Variants in CACNA1H observed in about 807,000 individuals in gnomAD.
CACNA1H encodes the protein voltage-dependent T-type calcium channel subunit alpha-1H.
Under a neutral mutation model 192.5 loss-of-function variants are expected in CACNA1H, and 149 were observed. The ratio of observed to expected loss-of-function variants is 0.77; its 90% CI spans 0.68 to 0.89. The LOEUF is 0.89. Ranked by LOEUF, CACNA1H falls within the 40% of genes least tolerant of loss-of-function variation. The probability of loss-of-function intolerance (pLI) is 0.00; values close to 1 mark genes in which losing one functional copy is unlikely to be tolerated. For missense variants in CACNA1H, 4,257 were observed against 3,423.5 expected, an observed-to-expected ratio of 1.24 and a Z score of -6.08; for synonymous variants, 2,202 against 1,475.2, an observed-to-expected ratio of 1.49 and a Z score of -11.29.
rs200606995 is a variant in CACNA1H, at chr16:1,220,653, G to C, written c.6721G>C (p.Gly2241Arg). The C allele has an allele frequency of 5.6e-6, 9 of 1,599,882 alleles. No homozygotes were observed. Among genetic ancestry groups the C allele is most frequent in the Middle Eastern group, 1.7e-4 (1 of 5,856 alleles). Residue 2241 changes from glycine to arginine, a missense_variant, in exon 35 of 35, where the codon GGG becomes CGG. Physicochemically the swap from Gly to Arg is moderately radical, Grantham distance 125. Coordinates refer to ENST00000348261, the MANE Select transcript of CACNA1H (RefSeq NM_021098.3). ...GGAGCCCACAGAGGGCTCAGGCGCCGGGGGGGACCCTGCAGCCAAGGGGGA... is the reference window on the plus strand; with the variant it reads ...GGAGCCCACAGAGGGCTCAGGCGCCCGGGGGGACCCTGCAGCCAAGGGGGA... ...SLEPTEGSGA[G>R]GDPAAKGERW... is the part of the protein sequence containing the mutation.
intron 9 of CACNA1H, among the ~76,000 whole-genome samples, chr16:1,203,250 G>A (rs1261128030): frequency 2.0e-5 from 3 of 152,208 alleles, no homozygotes; most frequent in Non-Finnish European, 4.4e-5. Context: ...TCCAAAGACA[G>A]CACGAAAACA....
chr16:1,185,314 T>G (rs1075789), intron 2 of CACNA1H, among the ~76,000 whole-genome samples: 2 of 151,932 alleles, frequency 1.3e-5, no homozygotes, highest in Non-Finnish European at 2.9e-5. Flanking sequence ...TGTGGACACG[T>G]GTGGGCCCGT....
At chr16:1,215,682 G>C in intron 30 of CACNA1H, 89 bp downstream of exon 30, 1 of 1,016,872 alleles carries the variant, frequency 9.8e-7, no homozygotes. Flanking sequence ...CCCCTCACTC[G>C]TTTCTCTGGT....
At chr16:1,210,326 C>A in intron 18 of CACNA1H, 44 bp from the exon 19 acceptor site, 2 of 1,458,786 alleles carry the variant, frequency 1.4e-6, no homozygotes, top group Non-Finnish European at 1.9e-6. Context: ...ACTCTGCCAT[C>A]CACGCCGCCC....
Position 1,209,391 on chromosome 16 carries a change from G to T in CACNA1H, c.3723G>T (p.Glu1241Asp), listed in dbSNP as rs547739256. Residue 1241 changes from glutamate (E) to aspartate (D), a missense_variant, in exon 17 of 35, where the codon GAG becomes GAT. By Grantham distance (45) the Glu-to-Asp change is conservative (BLOSUM62 2). Coordinates refer to ENST00000348261, the MANE Select transcript of CACNA1H (RefSeq NM_021098.3). ...ACAGCCACCGTGAGGATGCAGCCGA[G>T]CTTGACGACGACTCGGAGGACGTGA... ...RIDSHREDAA[E>D]LDDDSEDSCC... 15 of 1,597,770 alleles carry T rather than the reference G, an allele frequency of 9.4e-6. No individual in the cohort carries two copies.
intron 2 of CACNA1H, among the ~76,000 whole-genome samples, chr16:1,166,845 T>A (rs147507280): frequency 1.4e-4 from 21 of 152,278 alleles, no homozygotes; most frequent in Non-Finnish European, 2.9e-4. Context: ...GTCTGGGCCG[T>A]TTCACCCTTT....
chr16:1,211,564 C>A lies in CACNA1H; in HGVS notation c.4434C>A (p.Tyr1478Ter). 1 of 1,611,604 alleles carries A rather than the reference C, an allele frequency of 6.2e-7. No homozygotes were observed. The highest frequency in any genetic ancestry group is 8.5e-7 in the Non-Finnish European group (1 of 1,179,378). The change falls in exon 23 of 35, where the codon TAC becomes TAA. Residue 1478 changes from tyrosine to a stop codon, truncating the protein, a stop_gained. Transcript: ENST00000348261. LOFTEE classifies it high-confidence loss of function. ...AGGCACAGTGCCGGGCCGCCCACTA[C>A]CGCTGGGTGCGACGCAAGTACAACT... ...STKAQCRAAH[Y>*]RWVRRKYNFD...
At chr16:1,212,682 G>A (rs1293375829) in intron 26 of CACNA1H, among the ~76,000 whole-genome samples, 154 bp downstream of exon 26, 4 of 152,288 alleles carry the variant, frequency 2.6e-5, no homozygotes, top group Non-Finnish European at 2.9e-5. Flanking sequence ...GCGCTCGCCC[G>A]CCAGTGTCCG....
At chr16:1,157,098 C>G (rs1303252795) in intron 2 of CACNA1H, 1 of 152,214 alleles carries the variant, frequency 6.6e-6, no homozygotes, top group African/African-American at 2.4e-5. Flanking sequence ...TCCGCGTTCG[C>G]CTGCGACACA....
At position 1,209,244 on chromosome 16, in the gene CACNA1H, A is replaced by G; in HGVS notation, c.3576A>G (p.Pro1192=). The G allele has an allele frequency of 6.5e-6, 10 of 1,545,740 alleles. No individual in the cohort carries two copies. The highest frequency in any genetic ancestry group is 2.5e-5 in the East Asian group (1 of 40,760). ...GRAAPGPRAT[P]LRRAESLDPR... ...CCGCGCCCGGGCCCCGTGCCACCCC[A>G]CTGCGGCGGGCCGAGTCCCTGGACC... Residue 1192 remains proline, a synonymous_variant, in exon 17 of 35, where the codon CCA becomes CCG. Coordinates refer to ENST00000348261, the MANE Select transcript of CACNA1H (RefSeq NM_021098.3).
In CACNA1H at chr16:1,208,093, T is replaced by C; in HGVS notation, c.3235T>C (p.Cys1079Arg). Residue 1079 changes from cysteine (C) to arginine (R), a missense_variant, in exon 16 of 35, where the codon TGC becomes CGC. Cys to Arg is a radical substitution (Grantham distance 180, BLOSUM62 -3). Transcript: ENST00000348261. Reference sequence around the variant, plus strand: ...CAGCCTGTCCCCTCCCCTCATCATGTGCACAGCTGCCACGCCCATGCCTAC... The same window carrying C: ...CAGCCTGTCCCCTCCCCTCATCATGCGCACAGCTGCCACGCCCATGCCTAC... ...RGSLSPPLIM[C>R]TAATPMPTPK... The C allele has an allele frequency of 1.3e-6, 2 of 1,598,386 alleles. No homozygotes were observed. Among genetic ancestry groups the C allele is most frequent in the Non-Finnish European group, 1.7e-6 (2 of 1,173,786 alleles).
intron 2 of CACNA1H, among the ~76,000 whole-genome samples, chr16:1,158,745 G>A (rs1419820934): frequency 1.3e-5 from 2 of 152,174 alleles, no homozygotes; most frequent in African/African-American, 4.8e-5. Context: ...GGTGCTCTTG[G>A]GAACGAGTTT....
At chr16:1,205,633 G>A (rs1014475672) in intron 11 of CACNA1H, among the ~76,000 whole-genome samples, 3 of 152,224 alleles carry the variant, frequency 2.0e-5, no homozygotes, top group African/African-American at 4.8e-5. Context: ...GCTGCTGGAG[G>A]AGCATTTGCT....
rs1596452954 is a variant in CACNA1H at position 1,209,972 on chromosome 16, G to T, written c.3745-63G>T. On this transcript the variant is annotated intron_variant, in intron 17 of 34. Transcript: ENST00000348261. ...AGGGGTGGCCGAGCTGAGCACAGAGGGCCCTGATGGGGGGCCGGGCAGGCA... is the reference window on the plus strand; with the variant it reads ...AGGGGTGGCCGAGCTGAGCACAGAGTGCCCTGATGGGGGGCCGGGCAGGCA... The T allele has an allele frequency of 1.5e-5, 19 of 1,234,530 alleles. No homozygotes were observed. The East Asian group carries it at 3.8e-4, about 25-fold the overall frequency. 76.5% of individuals were successfully genotyped at this position (1,234,530 alleles called of 1,614,324 possible). A position where few individuals can be genotyped will look rare whatever the true frequency, so the allele number is the denominator to read the frequency against.
intron 2 of CACNA1H, among the ~76,000 whole-genome samples, chr16:1,162,639 T>TGC (rs1555500489): frequency 1.1e-5 from 1 of 93,154 alleles, no homozygotes; most frequent in Non-Finnish European, 2.4e-5. Context: ...ACACCTGGAG[T>TGC]GGGGGGGGGG....
chr16:1,218,986 G>T lies in CACNA1H; in HGVS notation c.5904G>T (p.Val1968=), dbSNP rs899692720. 2.0e-5 allele frequency: 31 copies of T among 1,550,144 alleles called. No individual in the cohort carries two copies. The African/African-American group carries it at 2.1e-4, about 10-fold the overall frequency. Residue 1968 remains valine (V), a synonymous_variant, in exon 34 of 35, where the codon GTG becomes GTT. Transcript: ENST00000348261. The part of the protein sequence containing the change: ...AGTPLGSVAS[V]HSPPAESCAS... The stretch of plus-strand genomic sequence containing the variant: ...CTGCCCCAGGCTCCGTTGCCTCTGT[G>T]CACTCTCCGCCCGCAGAGTCCTGTG...
Position 1,219,015 on chromosome 16 carries a change from C to G in CACNA1H, c.5933C>G (p.Ser1978Cys). ...TCTCCGCCCGCAGAGTCCTGTGCCT[C>G]CCTCCAGATCCCATTGGCTGTGTCG... ...VHSPPAESCA[S>C]LQIPLAVSSP... is the part of the protein sequence containing the mutation. The change falls in exon 34 of 35, where the codon TCC (serine) becomes TGC (cysteine). Residue 1978 changes from serine (S) to cysteine (C), a missense_variant. Coordinates refer to ENST00000348261, the MANE Select transcript of CACNA1H (RefSeq NM_021098.3). The G allele has an allele frequency of 6.5e-7, 1 of 1,550,240 alleles. No homozygotes were observed. Among genetic ancestry groups the G allele is most frequent in the Non-Finnish European group, 8.7e-7 (1 of 1,146,868 alleles).
At chr16:1,156,164 C>T (rs1962350140) in intron 2 of CACNA1H, among the ~76,000 whole-genome samples, 1 of 152,194 alleles carries the variant, frequency 6.6e-6, no homozygotes, top group African/African-American at 2.4e-5. Context: ...TCCTCGCCGC[C>T]AGCACCTCTG....
intron 6 of CACNA1H, 88 bp downstream of exon 6, chr16:1,198,862 G>T: frequency 7.5e-7 from 1 of 1,327,760 alleles, no homozygotes; most frequent in Non-Finnish European, 1.0e-6. Flanking sequence ...ACCGCCCCAC[G>T]TGGCTCTGCC....
Sources: allele counts gnomAD v4.1 joint callset (sites outside exome capture counted in the v4.1 genomes callset), GRCh38; gene constraint gnomAD v4.1.1; transcripts MANE v1.5; gene names NCBI Gene and HGNC (gene_info 2026-07-23, HGNC 2026-07-21).